ADAM20: variants seen among roughly 807,000 people sequenced by gnomAD.
The protein encoded by ADAM20 is disintegrin and metalloproteinase domain-containing protein 20.
For missense variants in ADAM20, 871 were observed against 883.2 expected, an observed-to-expected ratio of 0.99 and a Z score of 0.18; for synonymous variants, 305 against 310.2, an observed-to-expected ratio of 0.98 and a Z score of 0.18.
the ADAM20 span, chr14:70,547,278 A>C: frequency 6.5e-6 from 1 of 152,896 alleles, no homozygotes. Flanking sequence ...TAAAGAGCTA[A>C]TACCGAGTAG....
intron 1 of ADAM20, among the ~76,000 whole-genome samples, chr14:70,527,889 C>A (rs1046443802): frequency 6.6e-6 from 1 of 152,202 alleles, no homozygotes; most frequent in Non-Finnish European, 1.5e-5. Flanking sequence ...GAACTTTGTT[C>A]ATGCCCTACC....
chr14:70,559,294 TAC>T, the ADAM20 span, among the ~76,000 whole-genome samples: 5 of 149,414 alleles, frequency 3.3e-5, no homozygotes, highest in Non-Finnish European at 5.9e-5. Context: ...AAAAAAAGCT[TAC>T]AGTCATCCTT....
chr14:70,533,388 G>A (rs921501065), intron 1 of ADAM20, among the ~76,000 whole-genome samples: 2 of 152,116 alleles, frequency 1.3e-5, no homozygotes, highest in African/African-American at 2.4e-5. Flanking sequence ...AAGAAAATGT[G>A]GCACATACAT....
chr14:70,527,763 C>T lies in ADAM20; in HGVS notation c.-176-2830G>A, dbSNP rs183846880. ...TCTTAAAGTCAATTGACTCTGCCTC[C>T]ACCACCTCTATCCAGTTTTCTTTTT... On this transcript the variant is annotated intron_variant, in intron 1 of 1. Coordinates refer to ENST00000256389, the MANE Select transcript of ADAM20 (RefSeq NM_003814.5). Among the ~76,000 whole-genome samples the T allele has an allele frequency of 2.1e-3, 319 of 152,284 alleles. 1 individual carries two copies. The highest frequency in any genetic ancestry group is 7.5e-3 in the African/African-American group (312 of 41,552).
chr14:70,524,485 G>C lies in ADAM20; in HGVS notation c.273C>G (p.Thr91=). 3 of 1,614,002 alleles carry C rather than the reference G, an allele frequency of 1.9e-6. No homozygotes were observed. Among genetic ancestry groups the C allele is most frequent in the Non-Finnish European group, 2.5e-6 (3 of 1,179,942 alleles). Residue 91 remains threonine, a synonymous_variant, in exon 2 of 2, where the codon ACC becomes ACG. Transcript: ENST00000256389. The part of the protein sequence containing the change: ...LLFAAHLPVF[T]YTEQHALLQD... The stretch of plus-strand genomic sequence containing the variant: ...GGAGCAGGGCATGCTGCTCTGTGTA[G>C]GTGAACACAGGAAGGTGTGCAGCAA...
At chr14:70,573,626 T>G in the ADAM20 span, among the ~76,000 whole-genome samples, 1 of 152,166 alleles carries the variant, frequency 6.6e-6, no homozygotes. Flanking sequence ...TCCAACCAGA[T>G]GCTGCCTACA....
At chr14:70,576,740 T>G in the ADAM20 span, among the ~76,000 whole-genome samples, 2 of 151,924 alleles carry the variant, frequency 1.3e-5, no homozygotes, top group Non-Finnish European at 2.9e-5. Flanking sequence ...AGGAGGGACA[T>G]GAGGGGGAAG....
chr14:70,561,104 T>C, the ADAM20 span, among the ~76,000 whole-genome samples: 1 of 152,220 alleles, frequency 6.6e-6, no homozygotes, highest in Non-Finnish European at 1.5e-5. Context: ...CCTATAGTGA[T>C]ATGAACTATG....
At chr14:70,550,871 C>G in the ADAM20 span, among the ~76,000 whole-genome samples, 1 of 86,476 alleles carries the variant, frequency 1.2e-5, no homozygotes, top group Admixed American at 1.3e-4. Context: ...AATTTTAGAC[C>G]AATATCCTTG....
chr14:70,566,271 A>C, the ADAM20 span, among the ~76,000 whole-genome samples: 1 of 152,242 alleles, frequency 6.6e-6, no homozygotes, highest in Non-Finnish European at 1.5e-5. Context: ...TACACAATTT[A>C]AGATGTAAAT....
At chr14:70,566,558 T>C in the ADAM20 span, among the ~76,000 whole-genome samples, 2,425 of 151,834 alleles carry the variant, frequency 0.016, 43 homozygotes, top group African/African-American at 0.039. Context: ...ATTAATGAAA[T>C]AGCAATAGTA....
the ADAM20 span, among the ~76,000 whole-genome samples, chr14:70,559,501 T>C: frequency 1.3e-5 from 2 of 152,322 alleles, no homozygotes; most frequent in African/African-American, 4.8e-5. Context: ...CGACACTCAA[T>C]TCCCATATAT....
the ADAM20 span, among the ~76,000 whole-genome samples, chr14:70,567,047 C>T: frequency 2.0e-5 from 3 of 152,128 alleles, no homozygotes. Context: ...GACCACCAAA[C>T]TGTTGGGAAC....
At chr14:70,544,166 C>A in the ADAM20 span, among the ~76,000 whole-genome samples, 2 of 152,088 alleles carry the variant, frequency 1.3e-5, no homozygotes, top group Non-Finnish European at 2.9e-5. Flanking sequence ...ACATTCCAAG[C>A]CTGTGATAAG....
chr14:70,561,042 T>C, the ADAM20 span, among the ~76,000 whole-genome samples: 201 of 152,284 alleles, frequency 1.3e-3, 2 homozygotes, highest in South Asian at 7.9e-3. Flanking sequence ...CAGGAAGATA[T>C]GGGAAAGTTT....
At chr14:70,538,110 T>C (rs565794642), upstream of ADAM20, among the ~76,000 whole-genome samples, 22 of 151,984 alleles carry the variant, frequency 1.4e-4, no homozygotes, top group Admixed American at 5.2e-4. Context: ...ATCATGATGC[T>C]CCTCATCTGT....
chr14:70,535,852 T>C (rs1279683225), upstream of ADAM20, among the ~76,000 whole-genome samples: 1 of 152,170 alleles, frequency 6.6e-6, no homozygotes. Flanking sequence ...CTTTATAGAA[T>C]GAAATTCAAC....
chr14:70,560,617 G>A, the ADAM20 span, among the ~76,000 whole-genome samples: 5 of 152,274 alleles, frequency 3.3e-5, no homozygotes, highest in East Asian at 9.6e-4. Flanking sequence ...AAGGCCTGGT[G>A]GGAGATGATT....
chr14:70,522,732 G>C lies in ADAM20; in HGVS notation c.2026C>G (p.Pro676Ala), dbSNP rs879189813. The change falls in exon 2 of 2, where the codon CCA (proline) becomes GCA (alanine). Residue 676 changes from proline to alanine, a missense_variant. Pro to Ala is a conservative substitution (Grantham distance 27). Coordinates refer to ENST00000256389, the MANE Select transcript of ADAM20 (RefSeq NM_003814.5). The stretch of plus-strand genomic sequence containing the variant: ...CCTTCCATGTTGTTCTTAGGAGGTG[G>C]GCCACTATCAGCACTACCTCCATAG... Reference protein sequence around the residue: ...KGYGGSADSGPPPKNNMEGLN... With the variant: ...KGYGGSADSGAPPKNNMEGLN... 6.2e-7 allele frequency: 1 copy of C among 1,613,946 alleles called. No homozygotes were observed. Among genetic ancestry groups the C allele is most frequent in the South Asian group, 1.1e-5 (1 of 91,082 alleles).
Sources: gnomAD v4.1 joint callset for allele counts (sites outside exome capture counted in the v4.1 genomes callset) on GRCh38, gnomAD v4.1.1 for gene constraint, MANE v1.5 for transcripts, NCBI Gene and HGNC (gene_info 2026-07-23, HGNC 2026-07-21) for gene names.